The following TBC1D14 variants were observed in gnomAD, a reference collection of about 807,000 sequenced individuals.
The protein encoded by TBC1D14 is TBC1 domain family, member 14.
A neutral mutation model predicts 79.0 loss-of-function variants in TBC1D14; 26 were observed. The ratio of observed to expected loss-of-function variants is 0.33; its 90% CI spans 0.24 to 0.46. TBC1D14 has a LOEUF of 0.46. TBC1D14 is among the 20% of genes least tolerant of loss of function. The probability of loss-of-function intolerance (pLI) is 1.00; values close to 1 mark genes in which losing one functional copy is unlikely to be tolerated. For missense variants in TBC1D14, 769 were observed against 887.6 expected, an observed-to-expected ratio of 0.87 and a Z score of 1.70; for synonymous variants, 394 against 349.9, an observed-to-expected ratio of 1.13 and a Z score of -1.40.
intron 3 of TBC1D14, among the ~76,000 whole-genome samples, chr4:6,967,729 G>A (rs1273026073): frequency 6.6e-6 from 1 of 152,212 alleles, no homozygotes; most frequent in African/African-American, 2.4e-5. Flanking sequence ...TTTAGTAATA[G>A]TTGCAAATGT....
chr4:6,947,230 G>C (rs920200584), intron 2 of TBC1D14, among the ~76,000 whole-genome samples: 6 of 152,122 alleles, frequency 3.9e-5, no homozygotes, highest in Non-Finnish European at 8.8e-5. Flanking sequence ...AGGCGCGGTG[G>C]CTCAAGCCTG....
intron 7 of TBC1D14, 54 bp downstream of exon 7, chr4:7,001,305 C>T: frequency 6.8e-7 from 1 of 1,463,818 alleles, no homozygotes; most frequent in African/African-American, 1.4e-5. Flanking sequence ...TTGGCTTCTT[C>T]TCTCCCTTTT....
intron 2 of TBC1D14, among the ~76,000 whole-genome samples, chr4:6,961,619 C>A (rs772770404): frequency 6.6e-6 from 1 of 152,122 alleles, no homozygotes; most frequent in Non-Finnish European, 1.5e-5. Context: ...ATTGGAGCCA[C>A]GACGCCATTG....
At chr4:6,920,048 G>C (rs535647795) in intron 1 of TBC1D14, among the ~76,000 whole-genome samples, 4 of 151,874 alleles carry the variant, frequency 2.6e-5, no homozygotes, top group Admixed American at 2.6e-4. Context: ...CTCAGTAGCC[G>C]GGACTACAGG....
In TBC1D14 at chr4:7,032,683, C is replaced by T. The variant is rs1310622407; in HGVS notation, c.*2291C>T. ...CCCCGGCCAGGGTCCCTTAACACCT[C>T]GGCACAGAGGCTGTTGGCAAGTGTA... On this transcript the variant is annotated 3_prime_UTR_variant, in exon 14 of 14. Coordinates refer to ENST00000409757, the MANE Select transcript of TBC1D14 (RefSeq NM_020773.3). 1.3e-5 allele frequency: 2 copies of T among 152,140 alleles called. No individual in the cohort carries two copies. The highest frequency in any genetic ancestry group is 4.8e-5 in the African/African-American group (2 of 41,424). 9.4% of individuals were successfully genotyped at this position (152,140 alleles called of 1,614,324 possible). A position where few individuals can be genotyped will look rare whatever the true frequency, so the allele number is the denominator to read the frequency against.
At chr4:7,024,517 A>G (rs1319163748) in intron 12 of TBC1D14, among the ~76,000 whole-genome samples, 2 of 152,304 alleles carry the variant, frequency 1.3e-5, no homozygotes, top group East Asian at 1.9e-4. Flanking sequence ...AGGGTGTGCC[A>G]TGATGAGCAC....
chr4:7,016,042 G>C (rs1358483274), intron 12 of TBC1D14, among the ~76,000 whole-genome samples: 2 of 152,238 alleles, frequency 1.3e-5, no homozygotes, highest in African/African-American at 4.8e-5. Flanking sequence ...TAAAATTCAA[G>C]TATCATTTGA....
chr4:6,927,307 G>A (rs1724368032), intron 2 of TBC1D14, among the ~76,000 whole-genome samples: 1 of 152,102 alleles, frequency 6.6e-6, no homozygotes, highest in South Asian at 2.1e-4. Flanking sequence ...GGGAGGGGGT[G>A]GCACCGCAGC....
intron 12 of TBC1D14, among the ~76,000 whole-genome samples, chr4:7,017,025 G>A (rs182781621): frequency 1.3e-5 from 2 of 152,330 alleles, no homozygotes; most frequent in East Asian, 1.9e-4. Flanking sequence ...TCAGGGCGGG[G>A]TGCACTAGCT....
chr4:6,934,645 G>A (rs1442604804), intron 2 of TBC1D14, among the ~76,000 whole-genome samples: 1 of 151,018 alleles, frequency 6.6e-6, no homozygotes, highest in Non-Finnish European at 1.5e-5. Flanking sequence ...GCGACAGAGC[G>A]AGACTCTGTC....
intron 13 of TBC1D14, among the ~76,000 whole-genome samples, chr4:7,026,481 AGATCTAAATAAAGT>A (rs1383222250): frequency 6.6e-6 from 1 of 152,258 alleles, no homozygotes; most frequent in African/African-American, 2.4e-5. Flanking sequence ...GTTGGAATCA[AGATCTAAATAAAGT>A]CCATGCCTTG....
At chr4:6,977,850 G>A (rs1368067812) in intron 3 of TBC1D14, among the ~76,000 whole-genome samples, 2 of 150,782 alleles carry the variant, frequency 1.3e-5, no homozygotes, top group African/African-American at 4.9e-5. Flanking sequence ...GTCTCTGCCC[G>A]GCCGCCCATC....
At chr4:6,986,906 C>G (rs942737075) in intron 3 of TBC1D14, among the ~76,000 whole-genome samples, 10 of 152,256 alleles carry the variant, frequency 6.6e-5, no homozygotes, top group Non-Finnish European at 1.0e-4. Context: ...AAAAACTGCT[C>G]ACAATCACCC....
At chr4:7,012,451 T>C (rs1720875870) in intron 11 of TBC1D14, among the ~76,000 whole-genome samples, 1 of 152,190 alleles carries the variant, frequency 6.6e-6, no homozygotes. Context: ...GAATCACTTC[T>C]AAGAAAGTCA....
intron 1 of TBC1D14, among the ~76,000 whole-genome samples, chr4:6,920,371 C>T (rs1723753154): frequency 1.3e-5 from 2 of 151,496 alleles, no homozygotes; most frequent in African/African-American, 4.9e-5. Flanking sequence ...AACTCCTGGG[C>T]TCAAGTGGTC....
In TBC1D14 at chr4:7,015,843, G is replaced by A. The variant is rs1721226966; in HGVS notation, c.1757+1286G>A. ...TGATTCACCCCACAGGGTGCTGTAGGGTGACCGTGCGGCACCACCCGACTC... is the reference window on the plus strand; with the variant it reads ...TGATTCACCCCACAGGGTGCTGTAGAGTGACCGTGCGGCACCACCCGACTC... On this transcript the variant is annotated intron_variant, in intron 12 of 13. Transcript: ENST00000409757. Among the ~76,000 whole-genome samples, 2 of 152,178 alleles carry A rather than the reference G, an allele frequency of 1.3e-5. 1 individual carries two copies.
Position 6,924,001 on chromosome 4 carries a change from C to G in TBC1D14, c.612C>G (p.Thr204=). ...ATGACCCACAGTTTACCAACGTCAC[C>G]TTGAGCTCTATCAAGGAAACCCGTG... The part of the protein sequence containing the change: ...NDDDPQFTNV[T]LSSIKETRGL... Residue 204 remains threonine (T), a synonymous_variant, in exon 2 of 14, where the codon ACC becomes ACG. Coordinates refer to ENST00000409757, the MANE Select transcript of TBC1D14 (RefSeq NM_020773.3). 6.2e-7 allele frequency: 1 copy of G among 1,614,174 alleles called. No individual in the cohort carries two copies. The highest frequency in any genetic ancestry group is 8.5e-7 in the Non-Finnish European group (1 of 1,180,034).
chr4:6,909,545 G>A (rs1722789157), upstream of TBC1D14: 1 of 152,054 alleles, frequency 6.6e-6, no homozygotes, highest in Middle Eastern at 3.2e-3. Flanking sequence ...GGGCCCTGCG[G>A]GCACAAAGGC....
intron 5 of TBC1D14, among the ~76,000 whole-genome samples, chr4:6,996,819 G>C (rs1481687214): frequency 6.6e-6 from 1 of 152,224 alleles, no homozygotes; most frequent in Non-Finnish European, 1.5e-5. Context: ...CAAGAGAAAA[G>C]CACTTTGAAC....
Sources: gnomAD v4.1 joint callset for allele counts (sites outside exome capture counted in the v4.1 genomes callset) on GRCh38, gnomAD v4.1.1 for gene constraint, MANE v1.5 for transcripts, NCBI Gene and HGNC (gene_info 2026-07-23, HGNC 2026-07-21) for gene names.